Variants in MAX observed in about 807,000 individuals in gnomAD.
MAX encodes MYC associated transcriptional regulator X, also known as protein max.
In MAX, 3 loss-of-function variants were observed where a neutral mutation model predicts 22.3. The ratio of observed to expected loss-of-function variants is 0.13; its 90% CI spans 0.06 to 0.35. MAX has a LOEUF of 0.35. MAX is among the 10% of genes least tolerant of loss of function. MAX has a pLI of 1.00. For synonymous variants in MAX, 72 were observed against 77.7 expected (o/e 0.93, Z 0.39); for missense variants, 119 against 209.4 (o/e 0.57, Z 2.66).
At chr14:65,019,707 T>A (rs2061850646) in intron 3 of MAX, among the ~76,000 whole-genome samples, 1 of 152,202 alleles carries the variant, frequency 6.6e-6, no homozygotes, top group Non-Finnish European at 1.5e-5. Context: ...TAGTGAACTT[T>A]TAAACATTTC....
rs543463393 is a variant in MAX, at chr14:65,045,995, A to T, written c.172-39711T>A. Among the ~76,000 whole-genome samples, 3 of 151,276 alleles carry T rather than the reference A, an allele frequency of 2.0e-5. No individual in the cohort carries two copies. In the East Asian group the frequency reaches 5.9e-4, roughly 30 times the overall value. On this transcript the variant is annotated intron_variant, in intron 3 of 3. Transcript: ENST00000341653. Reference sequence around the variant, plus strand: ...GTCAAACATTTTTTATTTTAGTATTATTTTTTTTTGAGACGGAGTTTCACT... The same window carrying T: ...GTCAAACATTTTTTATTTTAGTATTTTTTTTTTTTGAGACGGAGTTTCACT...
downstream of MAX, among the ~76,000 whole-genome samples, chr14:65,072,763 A>T (rs1263869727): frequency 3.3e-5 from 5 of 152,220 alleles, no homozygotes; most frequent in Admixed American, 3.3e-4. Flanking sequence ...ATGCCACTGA[A>T]TCGTGGTGGG....
At chr14:65,095,808 T>C (rs1450917141) in intron 2 of MAX, among the ~76,000 whole-genome samples, 1 of 152,194 alleles carries the variant, frequency 6.6e-6, no homozygotes, top group Non-Finnish European at 1.5e-5. Context: ...ACAATCCCTC[T>C]TGTTGATACA....
intron 3 of MAX, among the ~76,000 whole-genome samples, chr14:65,089,629 C>T (rs2063440483): frequency 6.6e-6 from 1 of 151,742 alleles, no homozygotes; most frequent in South Asian, 2.1e-4. Flanking sequence ...CATGTAAAGG[C>T]TGGCTATCAG....
At chr14:65,033,096 CA>C (rs1163787202) in intron 3 of MAX, among the ~76,000 whole-genome samples, 1 of 152,106 alleles carries the variant, frequency 6.6e-6, no homozygotes, top group Non-Finnish European at 1.5e-5. Flanking sequence ...AAGCTGAAAG[CA>C]GATTCAGTGC....
At chr14:65,073,609 T>C, downstream of MAX, among the ~76,000 whole-genome samples, 1 of 152,074 alleles carries the variant, frequency 6.6e-6, no homozygotes, top group Non-Finnish European at 1.5e-5. Context: ...CAGAGTAATA[T>C]AAAAAATAAA....
At position 65,031,979 on chromosome 14, in the gene MAX, C is replaced by CGT. The variant is rs563468928; in HGVS notation, c.172-25697_172-25696dup. The stretch of plus-strand genomic sequence containing the variant: ...ATAGACGTGCGCCTTTTTCATTTAA[C>CGT]GTGTGTGTGTGTGTGTGTGTGTGTG... On this transcript the variant is annotated intron_variant, in intron 3 of 3. Coordinates refer to the MAX transcript ENST00000341653. This position sits in a 1 kb window ranked among gnomAD's most constrained non-coding sequence, Gnocchi z 4.6. Among the ~76,000 whole-genome samples the CGT allele has an allele frequency of 0.24, 34,104 of 141,100 alleles. 4,049 individuals are homozygous for CGT. The highest frequency in any genetic ancestry group is 0.26 in the Non-Finnish European group (17,058 of 64,642). 92.6% of individuals were successfully genotyped at this position (141,100 alleles called of 152,430 possible). A position where few individuals can be genotyped will look rare whatever the true frequency, so the allele number is the denominator to read the frequency against.
In MAX at chr14:65,078,148, G is replaced by A. The variant is rs1566601025; in HGVS notation, c.172-112C>T. 1 of 1,132,494 alleles carries A rather than the reference G, an allele frequency of 8.8e-7. No homozygotes were observed. Among genetic ancestry groups the A allele is most frequent in the South Asian group, 1.3e-5 (1 of 79,300 alleles). The allele number at this position is 1,132,494 out of a possible 1,614,324, so 70.2% of individuals were successfully genotyped here. On this transcript the variant is annotated intron_variant, in intron 3 of 4. Transcript: ENST00000358664. This position sits in a 1 kb window ranked among gnomAD's most constrained non-coding sequence, Gnocchi z 6.4. ...GTGGCTGGAAACGAGAGGGTAAGGT[G>A]GGAAAAGGCTGAAGAAATACAATAA... is the stretch of plus-strand genomic sequence containing the variant.
In MAX at chr14:65,028,713, C is replaced by T. The variant is rs377193063; in HGVS notation, c.172-22429G>A. 6.6e-6 allele frequency among the ~76,000 whole-genome samples: 1 copy of T among 152,098 alleles called. No individual in the cohort carries two copies. The highest frequency in any genetic ancestry group is 2.4e-5 in the African/African-American group (1 of 41,410). On this transcript the variant is annotated intron_variant, in intron 3 of 3. Transcript: ENST00000341653. This position sits in a 1 kb window ranked among gnomAD's most constrained non-coding sequence, Gnocchi z 4.4. The stretch of plus-strand genomic sequence containing the variant: ...CTATCTCTAACTTGTCTAATCCAAC[C>T]AAAAAAATTAGATTAGGATCTGTGT...
At position 65,027,256 on chromosome 14, in the gene MAX, G is replaced by A; in HGVS notation, c.172-20972C>T. 1 of 825,718 alleles carries A rather than the reference G, an allele frequency of 1.2e-6. No homozygotes were observed. The highest frequency in any genetic ancestry group is 1.8e-6 in the Non-Finnish European group (1 of 545,336). The allele number at this position is 825,718 out of a possible 1,614,324, so 51.1% of individuals were successfully genotyped here. A position where few individuals can be genotyped will look rare whatever the true frequency, so the allele number is the denominator to read the frequency against. Reference sequence around the variant, plus strand: ...GCTTAAGTACGAAACTCAGAGGAGGGCAGACAGAAATGATGATAGCTGGAG... The same window carrying A: ...GCTTAAGTACGAAACTCAGAGGAGGACAGACAGAAATGATGATAGCTGGAG... On this transcript the variant is annotated intron_variant, in intron 3 of 3. Transcript: ENST00000341653. This position sits in a 1 kb window ranked among gnomAD's most constrained non-coding sequence, Gnocchi z 5.7.
At chr14:65,101,813 T>C (rs1232279162) in intron 1 of MAX, 8 of 563,268 alleles carry the variant, frequency 1.4e-5, no homozygotes, top group African/African-American at 3.9e-5. Context: ...GCCAGAGGGG[T>C]CCCGAGCACT....
At chr14:65,085,217 T>C (rs1303418695) in intron 3 of MAX, among the ~76,000 whole-genome samples, 1 of 152,240 alleles carries the variant, frequency 6.6e-6, no homozygotes. Flanking sequence ...AACTTTTTAA[T>C]TGGTTCTACT....
chr14:65,071,691 G>A (rs889120731), downstream of MAX, among the ~76,000 whole-genome samples: 2 of 152,196 alleles, frequency 1.3e-5, no homozygotes, highest in Non-Finnish European at 2.9e-5. The surrounding 1 kb of genome is among the most constrained non-coding windows in gnomAD (Gnocchi z 4.2). Context: ...CCAGACAGGC[G>A]GGCTCAGAGC....
At chr14:65,100,111 A>G (rs2063788437) in intron 2 of MAX, among the ~76,000 whole-genome samples, 1 of 152,236 alleles carries the variant, frequency 6.6e-6, no homozygotes, top group South Asian at 2.1e-4. Context: ...TCATTTTAAA[A>G]ATCAGAAAAA....
intron 3 of MAX, among the ~76,000 whole-genome samples, chr14:65,058,223 T>G (rs527564797): frequency 6.6e-6 from 1 of 151,654 alleles, no homozygotes; most frequent in Non-Finnish European, 1.5e-5. Context: ...TCTTTCAGTG[T>G]TTTTTTTATA....
intron 3 of MAX, among the ~76,000 whole-genome samples, chr14:65,041,216 G>A (rs915523439): frequency 1.3e-5 from 2 of 152,198 alleles, no homozygotes; most frequent in African/African-American, 2.4e-5. Context: ...AGAGGTTATC[G>A]TGTGTTATAG....
intron 2 of MAX, among the ~76,000 whole-genome samples, chr14:65,100,425 G>A (rs1318094168): frequency 6.6e-6 from 1 of 152,096 alleles, no homozygotes; most frequent in Non-Finnish European, 1.5e-5. Context: ...ACTCCAGCCT[G>A]GTGACAGAGT....
chr14:65,020,050 C>T (rs1230752196), intron 3 of MAX, among the ~76,000 whole-genome samples: 3 of 152,136 alleles, frequency 2.0e-5, no homozygotes, highest in Non-Finnish European at 4.4e-5. Flanking sequence ...GCCTTCTTTT[C>T]CCCTGCATGT....
intron 3 of MAX, chr14:65,016,462 G>A (rs1006194731): frequency 2.6e-5 from 4 of 152,206 alleles, no homozygotes; most frequent in Admixed American, 1.3e-4. Flanking sequence ...GCAGCATCTC[G>A]AATTTCTCAG....
Sources: allele counts gnomAD v4.1 joint callset (sites outside exome capture counted in the v4.1 genomes callset), GRCh38; gene constraint gnomAD v4.1.1; non-coding constraint Gnocchi (gnomAD v3.1); transcripts MANE v1.5; gene names NCBI Gene and HGNC (gene_info 2026-07-23, HGNC 2026-07-21).